LYPD6B: variants seen among roughly 807,000 people sequenced by gnomAD.
LYPD6B encodes the protein ly6/PLAUR domain-containing protein 6B.
LYPD6B carries 17 observed loss-of-function variants against 22.8 expected under a neutral mutation model. The ratio of observed to expected loss-of-function variants is 0.75; its 90% CI spans 0.51 to 1.12. The LOEUF (loss-of-function observed/expected upper bound fraction) is 1.12, where lower values mean the gene tolerates loss of function less well. LYPD6B is among the 50% of genes most tolerant of loss of function. LYPD6B has a pLI of 0.00. For missense variants in LYPD6B, 221 were observed against 258.3 expected, an observed-to-expected ratio of 0.86 and a Z score of 0.99; for synonymous variants, 106 against 91.6, an observed-to-expected ratio of 1.16 and a Z score of -0.90.
chr2:149,111,044 A>G (rs555724875), intron 1 of LYPD6B, among the ~76,000 whole-genome samples: 1 of 152,302 alleles, frequency 6.6e-6, no homozygotes, highest in East Asian at 1.9e-4. Flanking sequence ...GTAGAATAAT[A>G]GGAGGAGAGC....
chr2:149,107,721 T>C (rs889623061), intron 1 of LYPD6B, among the ~76,000 whole-genome samples: 1 of 152,228 alleles, frequency 6.6e-6, no homozygotes, highest in Admixed American at 6.5e-5. Context: ...CTCTATTATA[T>C]TCAAAGAACA....
rs1454802925 is a variant in LYPD6B, at chr2:149,175,061, C to CTCTCTGTGTGTG, written c.77+14227_77+14228insCTCTGTGTGTGT. Reference sequence around the variant, plus strand: ...TCTCTCTCTCTCTCTCTCTCTCTCTCTGTGTGTGTGTGTGTGTGTGTGTGT... The same window carrying CTCTCTGTGTGTG: ...TCTCTCTCTCTCTCTCTCTCTCTCTCTCTCTGTGTGTGTGTGTGTGTGTGTGTGTGTGTGTGT... On this transcript the variant is annotated intron_variant, in intron 3 of 6. Transcript: ENST00000409642. Among the ~76,000 whole-genome samples the CTCTCTGTGTGTG allele has an allele frequency of 6.4e-3, 725 of 112,938 alleles. 3 individuals are homozygous for CTCTCTGTGTGTG. The highest frequency in any genetic ancestry group is 0.011 in the African/African-American group (337 of 31,018). The allele number at this position is 112,938 out of a possible 152,430, so 74.1% of individuals were successfully genotyped here. A position where few individuals can be genotyped will look rare whatever the true frequency, so the allele number is the denominator to read the frequency against.
At chr2:149,208,485 T>G in intron 5 of LYPD6B, 73 bp downstream of exon 5, 1 of 1,209,898 alleles carries the variant, frequency 8.3e-7, no homozygotes, top group Non-Finnish European at 1.2e-6. Context: ...ATGATGTTCT[T>G]TAGGAATCAG....
intron 1 of LYPD6B, among the ~76,000 whole-genome samples, chr2:149,114,801 T>G (rs879570015): frequency 6.6e-6 from 1 of 152,222 alleles, no homozygotes; most frequent in Non-Finnish European, 1.5e-5. Context: ...TCATGTAATA[T>G]TCTATTATGT....
At chr2:149,148,574 C>T (rs1689176824) in intron 2 of LYPD6B, among the ~76,000 whole-genome samples, 1 of 152,200 alleles carries the variant, frequency 6.6e-6, no homozygotes, top group South Asian at 2.1e-4. Flanking sequence ...CATTTTTGGC[C>T]TGTCTCTTTT....
At chr2:149,191,063 AGTAC>A (rs1692456820) in intron 3 of LYPD6B, among the ~76,000 whole-genome samples, 1 of 152,176 alleles carries the variant, frequency 6.6e-6, no homozygotes, top group South Asian at 2.1e-4. Context: ...TAGAGAAAAT[AGTAC>A]AATAGACCCC....
chr2:149,086,127 A>G (rs890944557), intron 1 of LYPD6B, among the ~76,000 whole-genome samples: 4 of 152,218 alleles, frequency 2.6e-5, no homozygotes, highest in African/African-American at 9.6e-5. Context: ...TTCTTCCAAA[A>G]TCAAAGGTTT....
At chr2:149,144,999 G>T (rs1230674183) in intron 2 of LYPD6B, among the ~76,000 whole-genome samples, 1 of 152,098 alleles carries the variant, frequency 6.6e-6, no homozygotes, top group Non-Finnish European at 1.5e-5. Context: ...GAGGTCCTGA[G>T]AACCCCCTAA....
At chr2:149,189,359 T>A (rs2377504) in intron 3 of LYPD6B, among the ~76,000 whole-genome samples, 1 of 86,734 alleles carries the variant, frequency 1.2e-5, no homozygotes, top group African/African-American at 3.6e-5. Context: ...TATATATATA[T>A]ATATATATAC....
intron 1 of LYPD6B, among the ~76,000 whole-genome samples, chr2:149,107,157 G>A (rs999433695): frequency 5.3e-5 from 8 of 152,136 alleles, no homozygotes; most frequent in Non-Finnish European, 8.8e-5. Flanking sequence ...TTATTGTGCT[G>A]TACTCACCCT....
At chr2:149,196,559 C>T (rs144473344) in intron 3 of LYPD6B, among the ~76,000 whole-genome samples, 31 of 152,172 alleles carry the variant, frequency 2.0e-4, no homozygotes, top group African/African-American at 6.5e-4. Context: ...AATTCTGCAT[C>T]GTGCAGCTCT....
At chr2:149,100,332 T>C (rs567854419) in intron 1 of LYPD6B, among the ~76,000 whole-genome samples, 9 of 150,756 alleles carry the variant, frequency 6.0e-5, no homozygotes, top group African/African-American at 2.2e-4. Context: ...TTTTTCTCCT[T>C]CCTTCTTTCA....
intron 1 of LYPD6B, among the ~76,000 whole-genome samples, chr2:149,091,614 G>C (rs1266322157): frequency 2.0e-5 from 3 of 149,730 alleles, no homozygotes. Context: ...TATTCATCAT[G>C]ATTGGCATTC....
intron 1 of LYPD6B, among the ~76,000 whole-genome samples, chr2:149,041,682 T>C (rs758369219): frequency 5.3e-5 from 8 of 152,202 alleles, no homozygotes; most frequent in Non-Finnish European, 1.0e-4. Context: ...CTGGCACAGA[T>C]TGGTAATCAG....
intron 1 of LYPD6B, among the ~76,000 whole-genome samples, chr2:149,073,851 A>G (rs1684758116): frequency 2.0e-5 from 3 of 151,718 alleles, no homozygotes; most frequent in African/African-American, 7.3e-5. Flanking sequence ...GCAGAAGCTC[A>G]ATGAGAGAGG....
At chr2:149,039,263 C>A (rs2105233345) in intron 1 of LYPD6B, among the ~76,000 whole-genome samples, 1 of 152,356 alleles carries the variant, frequency 6.6e-6, no homozygotes, top group African/African-American at 2.4e-5. Flanking sequence ...TCACGCGCGA[C>A]CAGCTTGGGT....
intron 1 of LYPD6B, among the ~76,000 whole-genome samples, chr2:149,112,428 C>T (rs187244934): frequency 1.1e-4 from 17 of 151,984 alleles, no homozygotes; most frequent in African/African-American, 3.6e-4. Context: ...ATACATAGTA[C>T]GTTTAGGTTA....
intron 2 of LYPD6B, among the ~76,000 whole-genome samples, chr2:149,147,491 G>T (rs1037560117): frequency 1.5e-4 from 23 of 151,980 alleles, no homozygotes; most frequent in African/African-American, 5.1e-4. Context: ...TTGAGGGTTT[G>T]TTTGTTTTTT....
chr2:149,051,800 G>A (rs1683575187), intron 1 of LYPD6B, among the ~76,000 whole-genome samples: 1 of 151,910 alleles, frequency 6.6e-6, no homozygotes, highest in Non-Finnish European at 1.5e-5. Context: ...TGTGTAGCTG[G>A]GATTTCAGGC....
Sources: allele counts gnomAD v4.1 joint callset (sites outside exome capture counted in the v4.1 genomes callset), GRCh38; gene constraint gnomAD v4.1.1; transcripts MANE v1.5; gene names NCBI Gene and HGNC (gene_info 2026-07-23, HGNC 2026-07-21).